POLR1A: variants seen among roughly 807,000 people sequenced by gnomAD.
The protein encoded by POLR1A is DNA-directed RNA polymerase I subunit RPA1.
Under a neutral mutation model 205.3 loss-of-function variants are expected in POLR1A, and 84 were observed. The ratio of observed to expected loss-of-function variants is 0.41; its 90% CI spans 0.34 to 0.49. The LOEUF (loss-of-function observed/expected upper bound fraction) is 0.49. Ranked by LOEUF, POLR1A falls within the 20% of genes least tolerant of loss-of-function variation. POLR1A has a pLI of 0.22. For synonymous variants in POLR1A, 799 were observed against 863.7 expected (o/e 0.93, Z 1.31); for missense variants, 1,645 against 2,204.5 (o/e 0.75, Z 5.08).
Position 86,089,872 on chromosome 2 carries a change from A to G in POLR1A, c.490T>C (p.Tyr164His), listed in dbSNP as rs1193544865. Residue 164 changes from tyrosine (Y) to histidine (H), a missense_variant, in exon 4 of 34, where the codon TAC becomes CAC. Around this residue, in one of 16 missense-constraint regions of POLR1A, gnomAD observed 330 missense variants for 375.6 expected, o/e 0.88. Coordinates refer to ENST00000263857, the MANE Select transcript of POLR1A (RefSeq NM_015425.6). The part of the protein sequence containing the change: ...ASEIREELEQ[Y>H]TTEIVQNNLL... The stretch of plus-strand genomic sequence containing the variant: ...TTGTTCTGCACAATTTCAGTTGTGT[A>G]TTGTTCTAATTCCTCCCGAATTTCA... 1 of 1,613,272 alleles carries G rather than the reference A, an allele frequency of 6.2e-7. No homozygotes were observed.
In POLR1A at chr2:86,083,230, G is replaced by A. The variant is rs548142557; in HGVS notation, c.731-62C>T. On this transcript the variant is annotated intron_variant, in intron 6 of 33. Coordinates refer to ENST00000263857, the MANE Select transcript of POLR1A (RefSeq NM_015425.6). ...AGAAACAGGTACTCTTTCTGCAATG[G>A]GATTTATCAATTCTTTATCCCCAAG... 6 of 1,149,744 alleles carry A rather than the reference G, an allele frequency of 5.2e-6. No individual in the cohort carries two copies. The East Asian group carries it at 1.2e-4, about 23-fold the overall frequency. 71.2% of individuals were successfully genotyped at this position (1,149,744 alleles called of 1,614,324 possible).
intron 24 of POLR1A, among the ~76,000 whole-genome samples, chr2:86,041,071 C>T (rs1298843362): frequency 6.6e-6 from 1 of 152,018 alleles, no homozygotes; most frequent in Non-Finnish European, 1.5e-5. Context: ...TCATGCCGCA[C>T]GATTCTGTAA....
At chr2:86,050,000 C>G (rs547028699) in intron 16 of POLR1A, among the ~76,000 whole-genome samples, 1 of 151,352 alleles carries the variant, frequency 6.6e-6, no homozygotes, top group Non-Finnish European at 1.5e-5. Flanking sequence ...TCACTGCAAC[C>G]GCTGCCTCCC....
chr2:86,063,761 A>T (rs553024675), intron 14 of POLR1A, among the ~76,000 whole-genome samples: 1 of 152,244 alleles, frequency 6.6e-6, no homozygotes, highest in Admixed American at 6.5e-5. Context: ...GCAGGAAGAG[A>T]CCTTAGAGAT....
At chr2:86,041,837 G>T in intron 24 of POLR1A, 52 bp downstream of exon 24, 1 of 1,482,706 alleles carries the variant, frequency 6.7e-7, no homozygotes. Context: ...GGAGGCAGGG[G>T]CTAGGAGGCA....
intron 2 of POLR1A, among the ~76,000 whole-genome samples, chr2:86,099,611 T>G (rs1673776923): frequency 6.6e-6 from 1 of 152,006 alleles, no homozygotes; most frequent in African/African-American, 2.4e-5. Context: ...AGGGAGACCC[T>G]GAGAACACTG....
intron 14 of POLR1A, among the ~76,000 whole-genome samples, chr2:86,059,374 C>T (rs932808528): frequency 6.6e-6 from 1 of 152,136 alleles, no homozygotes; most frequent in Non-Finnish European, 1.5e-5. Context: ...TCAGAGTAAG[C>T]CATCTTAAAG....
At chr2:86,102,021 T>C (rs1388362498) in intron 1 of POLR1A, among the ~76,000 whole-genome samples, 1 of 152,262 alleles carries the variant, frequency 6.6e-6, no homozygotes, top group Non-Finnish European at 1.5e-5. Flanking sequence ...CCACATTTTA[T>C]GTATCAACCC....
In POLR1A at chr2:86,045,289, G is replaced by T; in HGVS notation, c.2958C>A (p.Gly986=). ...VDTAVKTSRS[G]YLQRCIIKHL... ...CAGATACATTTTACCTTTGGAGATAGCCTGAGCGGCTGGTTTTCACAGCAG... is the reference window on the plus strand; with the variant it reads ...CAGATACATTTTACCTTTGGAGATATCCTGAGCGGCTGGTTTTCACAGCAG... Residue 986 remains glycine, a synonymous_variant, in exon 21 of 34, where the codon GGC becomes GGA. Transcript: ENST00000263857. 6.2e-7 allele frequency: 1 copy of T among 1,611,586 alleles called. No homozygotes were observed. Among genetic ancestry groups the T allele is most frequent in the Non-Finnish European group, 8.5e-7 (1 of 1,177,654 alleles).
intron 27 of POLR1A, among the ~76,000 whole-genome samples, chr2:86,037,956 C>T (rs1042090502): frequency 3.9e-5 from 6 of 152,218 alleles, no homozygotes; most frequent in Middle Eastern, 3.2e-3. Context: ...GCTTCACTGG[C>T]CTGTCACCTG....
intron 11 of POLR1A, among the ~76,000 whole-genome samples, chr2:86,076,748 A>G (rs1212853464): frequency 2.0e-5 from 3 of 152,206 alleles, no homozygotes; most frequent in Non-Finnish European, 4.4e-5. Flanking sequence ...AGGCAGCACA[A>G]AAGGTCTCTC....
chr2:86,035,044 T>C (rs1672469354), intron 27 of POLR1A, among the ~76,000 whole-genome samples: 1 of 152,168 alleles, frequency 6.6e-6, no homozygotes, highest in Non-Finnish European at 1.5e-5. Context: ...CTAATTTTTC[T>C]ATTTTTAGTA....
chr2:86,055,359 G>A (rs902717605), intron 14 of POLR1A, among the ~76,000 whole-genome samples: 9 of 152,286 alleles, frequency 5.9e-5, no homozygotes, highest in Non-Finnish European at 1.2e-4. Context: ...TTTCACCCAC[G>A]TGCACCAGGA....
Sources: allele counts gnomAD v4.1 joint callset (sites outside exome capture counted in the v4.1 genomes callset), GRCh38; gene constraint gnomAD v4.1.1; regional missense constraint gnomAD v4.1.1; transcripts MANE v1.5; gene names NCBI Gene and HGNC (gene_info 2026-07-23, HGNC 2026-07-21).